Variants in CLVS1 observed in about 807,000 individuals in gnomAD.
CLVS1 encodes the protein clavesin-1.
In CLVS1, 10 loss-of-function variants were observed where a neutral mutation model predicts 33.1. The observed-to-expected ratio is 0.30, with a 90% CI of 0.19 to 0.51. The LOEUF (loss-of-function observed/expected upper bound fraction) is 0.51, where lower values mean the gene tolerates loss of function less well. CLVS1 is among the 20% of genes least tolerant of loss of function. CLVS1 has a pLI of 0.97. For synonymous variants in CLVS1, 163 were observed against 166.1 expected, an observed-to-expected ratio of 0.98 and a Z score of 0.14; for missense variants, 343 against 433.4, an observed-to-expected ratio of 0.79 and a Z score of 1.85.
intron 2 of CLVS1, among the ~76,000 whole-genome samples, chr8:61,369,677 G>T (rs1310793214): frequency 6.6e-6 from 1 of 152,202 alleles, no homozygotes; most frequent in African/African-American, 2.4e-5. Flanking sequence ...TAGTGCTAGC[G>T]ATAACCCTAC....
chr8:61,384,395 A>G (rs1814001949), intron 3 of CLVS1, among the ~76,000 whole-genome samples: 1 of 152,198 alleles, frequency 6.6e-6, no homozygotes, highest in Non-Finnish European at 1.5e-5. Context: ...ATTAAAAGTC[A>G]ACTGCAATAA....
At chr8:61,472,402 A>G (rs1052507835) in intron 5 of CLVS1, among the ~76,000 whole-genome samples, 4 of 152,136 alleles carry the variant, frequency 2.6e-5, no homozygotes, top group African/African-American at 7.2e-5. Context: ...CAAAAAAGAG[A>G]GAGGAAGGAA....
intron 5 of CLVS1, among the ~76,000 whole-genome samples, chr8:61,496,735 C>T (rs2129608828): frequency 6.6e-6 from 1 of 152,280 alleles, no homozygotes; most frequent in African/African-American, 2.4e-5. Flanking sequence ...TTTATCCTTT[C>T]TACAGTACAT....
chr8:61,078,281 C>T (rs1425013546), intron 1 of CLVS1, among the ~76,000 whole-genome samples: 3 of 152,134 alleles, frequency 2.0e-5, no homozygotes, highest in Non-Finnish European at 4.4e-5. Context: ...CGGAATTGCC[C>T]GCTTGTGTGA....
chr8:61,033,121 A>AT, the CLVS1 span, among the ~76,000 whole-genome samples: 1 of 43,320 alleles, frequency 2.3e-5, no homozygotes, highest in African/African-American at 8.3e-5. Flanking sequence ...GAAGGAAGGA[A>AT]GAAAGGAAAG....
chr8:61,391,494 C>A (rs1211719024), intron 3 of CLVS1, among the ~76,000 whole-genome samples: 1 of 152,092 alleles, frequency 6.6e-6, no homozygotes, highest in Non-Finnish European at 1.5e-5. Context: ...TTGGAAAATA[C>A]CTTTACTACT....
intron 2 of CLVS1, among the ~76,000 whole-genome samples, chr8:61,253,195 G>C (rs564240460): frequency 3.3e-5 from 5 of 152,244 alleles, no homozygotes; most frequent in Admixed American, 6.5e-5. Flanking sequence ...AGTTTGGCTG[G>C]ATATGAAATT....
chr8:61,313,881 A>G (rs973575119), intron 2 of CLVS1, among the ~76,000 whole-genome samples: 1 of 152,084 alleles, frequency 6.6e-6, no homozygotes, highest in African/African-American at 2.4e-5. Flanking sequence ...GGAGAGAGAG[A>G]GCACATCGTC....
At chr8:61,044,683 A>G in the CLVS1 span, among the ~76,000 whole-genome samples, 2 of 152,218 alleles carry the variant, frequency 1.3e-5, no homozygotes, top group African/African-American at 4.8e-5. Context: ...GCTGCACTAT[A>G]GCCCCTCTTG....
intron 3 of CLVS1, among the ~76,000 whole-genome samples, chr8:61,447,656 CT>C (rs975477618): frequency 7.0e-4 from 107 of 151,936 alleles, no homozygotes; most frequent in African/African-American, 2.5e-3. Context: ...CTTACCATCC[CT>C]TTTTCCTCAC....
At chr8:61,377,873 G>A (rs1283294689) in intron 3 of CLVS1, 2 of 152,248 alleles carry the variant, frequency 1.3e-5, no homozygotes, top group Non-Finnish European at 2.9e-5. Context: ...CATTGTTCCA[G>A]GGATGCCACA....
At chr8:61,018,174 T>C in the CLVS1 span, among the ~76,000 whole-genome samples, 1 of 152,208 alleles carries the variant, frequency 6.6e-6, no homozygotes, top group Non-Finnish European at 1.5e-5. Flanking sequence ...GGAATTTTAC[T>C]GAGTCAGGAG....
chr8:61,130,092 G>A (rs1462566895), intron 1 of CLVS1, among the ~76,000 whole-genome samples: 1 of 151,958 alleles, frequency 6.6e-6, no homozygotes, highest in Non-Finnish European at 1.5e-5. Context: ...ACAAAAATTA[G>A]CCAGGTGTGA....
the CLVS1 span, among the ~76,000 whole-genome samples, chr8:61,033,039 A>G: frequency 5.3e-5 from 6 of 112,520 alleles, no homozygotes; most frequent in Non-Finnish European, 1.2e-4. Context: ...GAAAGAAAGA[A>G]AGAAAGAAAA....
intron 2 of CLVS1, among the ~76,000 whole-genome samples, chr8:61,143,854 A>G (rs1037051169): frequency 6.8e-6 from 1 of 147,742 alleles, no homozygotes; most frequent in African/African-American, 2.5e-5. Context: ...TACATAATAT[A>G]TATACATATA....
chr8:61,289,670 A>T (rs540090974), intron 1 of CLVS1, among the ~76,000 whole-genome samples: 27 of 152,326 alleles, frequency 1.8e-4, no homozygotes, highest in African/African-American at 6.5e-4. Flanking sequence ...TTGTGTATTT[A>T]TTCTGCCTCT....
chr8:61,252,018 G>A (rs567395133), intron 2 of CLVS1, among the ~76,000 whole-genome samples: 21 of 152,074 alleles, frequency 1.4e-4, no homozygotes, highest in Non-Finnish European at 2.4e-4. Flanking sequence ...TAGGGTGTCA[G>A]TTTTAGATCT....
chr8:61,345,547 A>T (rs73682264), intron 2 of CLVS1, among the ~76,000 whole-genome samples: 2,094 of 151,938 alleles, frequency 0.014, 63 homozygotes, highest in African/African-American at 0.047. Context: ...ACTCCTAATT[A>T]CATTTGGATG....
At chr8:61,090,217 C>T (rs930981018) in intron 1 of CLVS1, among the ~76,000 whole-genome samples, 5 of 152,164 alleles carry the variant, frequency 3.3e-5, no homozygotes, top group African/African-American at 9.7e-5. Context: ...AGAGACCTGA[C>T]GTACCTTAAA....
Sources: allele counts gnomAD v4.1 joint callset (sites outside exome capture counted in the v4.1 genomes callset), GRCh38; gene constraint gnomAD v4.1.1; transcripts MANE v1.5; gene names NCBI Gene and HGNC (gene_info 2026-07-23, HGNC 2026-07-21).